Variants in WWOX observed in about 807,000 individuals in gnomAD.
WWOX encodes WW domain containing oxidoreductase.
Under a neutral mutation model 46.2 loss-of-function variants are expected in WWOX, and 69 were observed. That is an observed-to-expected ratio of 1.49 (90% confidence interval 1.23 to 1.82). The LOEUF (loss-of-function observed/expected upper bound fraction) is 1.82, where lower values mean the gene tolerates loss of function less well. WWOX is among the 40% of genes most tolerant of loss of function. The pLI is 0.00. For synonymous variants in WWOX, 359 were observed against 202.6 expected (o/e 1.77, Z -6.56); for missense variants, 919 against 542.6 (o/e 1.69, Z -6.89).
At chr16:79,111,615 T>C (rs187824645) in intron 8 of WWOX, among the ~76,000 whole-genome samples, 2 of 152,106 alleles carry the variant, frequency 1.3e-5, no homozygotes, top group Non-Finnish European at 2.9e-5. Context: ...AGAAAAGAGC[T>C]GCAATTGTCA....
At chr16:78,458,008 C>T (rs1217456191) in intron 8 of WWOX, among the ~76,000 whole-genome samples, 4 of 150,820 alleles carry the variant, frequency 2.7e-5, no homozygotes, top group African/African-American at 4.9e-5. Flanking sequence ...ACCTGGGAGG[C>T]GGAGGTTGCA....
At chr16:78,843,349 A>G (rs757915994) in intron 8 of WWOX, among the ~76,000 whole-genome samples, 3 of 150,016 alleles carry the variant, frequency 2.0e-5, no homozygotes, top group Non-Finnish European at 3.0e-5. Flanking sequence ...GCCATGTCCA[A>G]CCCAATCTGG....
intron 5 of WWOX, among the ~76,000 whole-genome samples, chr16:78,338,498 A>G (rs62034407): frequency 0.027 from 3,245 of 121,850 alleles, 1,021 homozygotes; most frequent in Middle Eastern, 0.14. Context: ...AGTTAAGGGC[A>G]CATAAAATAT....
At chr16:78,536,165 A>G (rs1396372452) in intron 8 of WWOX, among the ~76,000 whole-genome samples, 1 of 152,116 alleles carries the variant, frequency 6.6e-6, no homozygotes, top group African/African-American at 2.4e-5. Flanking sequence ...ACCACAACAT[A>G]AACCACCCCC....
chr16:78,293,996 A>AC (rs1567482477), intron 5 of WWOX, among the ~76,000 whole-genome samples: 3 of 150,480 alleles, frequency 2.0e-5, no homozygotes, highest in Non-Finnish European at 3.0e-5. Flanking sequence ...AAAAAAAAAA[A>AC]AAAAAAAAAA....
intron 5 of WWOX, 133 bp downstream of exon 5, chr16:78,164,422 C>A: frequency 2.5e-6 from 2 of 810,528 alleles, no homozygotes; most frequent in Non-Finnish European, 4.1e-6. Context: ...GTCATCTTCA[C>A]TTTGTTTGTC....
At chr16:79,016,847 C>A (rs984196000) in intron 8 of WWOX, 1 of 152,226 alleles carries the variant, frequency 6.6e-6, no homozygotes, top group African/African-American at 2.4e-5. Context: ...GTCGTGTTAA[C>A]TGAGTTTCGA....
intron 8 of WWOX, among the ~76,000 whole-genome samples, chr16:78,936,298 C>T (rs779499349): frequency 6.6e-6 from 1 of 152,138 alleles, no homozygotes; most frequent in Non-Finnish European, 1.5e-5. Flanking sequence ...AAGATGGCTG[C>T]GTCCCAAGTG....
At chr16:78,728,889 A>T (rs979435190) in intron 8 of WWOX, among the ~76,000 whole-genome samples, 1 of 152,172 alleles carries the variant, frequency 6.6e-6, no homozygotes, top group Non-Finnish European at 1.5e-5. Context: ...AAGAATAACA[A>T]ACTATGCATA....
chr16:78,641,069 C>T (rs1234439556), intron 8 of WWOX, among the ~76,000 whole-genome samples: 1 of 152,006 alleles, frequency 6.6e-6, no homozygotes. Flanking sequence ...ACAGCTGAAA[C>T]ACTCCTCAAA....
chr16:79,118,038 C>T (rs947737565), intron 8 of WWOX, among the ~76,000 whole-genome samples: 1 of 152,266 alleles, frequency 6.6e-6, no homozygotes, highest in Admixed American at 6.5e-5. Flanking sequence ...TTTGCATTCA[C>T]AACTTGCCTG....
chr16:78,757,601 C>G (rs1005540364), intron 8 of WWOX, among the ~76,000 whole-genome samples: 2 of 151,866 alleles, frequency 1.3e-5, no homozygotes, highest in African/African-American at 2.4e-5. Context: ...TTTTGAAAGA[C>G]GTATGTAAAA....
At chr16:78,328,447 C>T (rs1383259289) in intron 5 of WWOX, among the ~76,000 whole-genome samples, 7 of 152,110 alleles carry the variant, frequency 4.6e-5, no homozygotes, top group Non-Finnish European at 1.0e-4. Flanking sequence ...ATTTCTGTGG[C>T]TTTGGATGAG....
chr16:78,940,019 A>T (rs1157399594), intron 8 of WWOX, among the ~76,000 whole-genome samples: 2 of 152,228 alleles, frequency 1.3e-5, no homozygotes, highest in Non-Finnish European at 2.9e-5. Flanking sequence ...TGCATACAAA[A>T]ACTGCAGGCC....
chr16:78,680,396 T>C (rs1458067614), intron 8 of WWOX, among the ~76,000 whole-genome samples: 1 of 152,098 alleles, frequency 6.6e-6, no homozygotes, highest in Non-Finnish European at 1.5e-5. Flanking sequence ...TAGCTGGGCA[T>C]GGTGTCACGT....
chr16:79,120,172 G>A (rs569422772), intron 8 of WWOX, among the ~76,000 whole-genome samples: 4 of 152,308 alleles, frequency 2.6e-5, no homozygotes, highest in African/African-American at 9.6e-5. Flanking sequence ...TTTCCATACG[G>A]CCTGTGAGGC....
chr16:78,381,123 A>T (rs2081947112), intron 5 of WWOX, among the ~76,000 whole-genome samples: 1 of 152,162 alleles, frequency 6.6e-6, no homozygotes, highest in African/African-American at 2.4e-5. Context: ...TCTTTGCTGC[A>T]ATGACAATAT....
At chr16:78,356,476 C>G (rs575059699) in intron 5 of WWOX, among the ~76,000 whole-genome samples, 3 of 152,168 alleles carry the variant, frequency 2.0e-5, no homozygotes, top group East Asian at 1.9e-4. Context: ...TGACACATCT[C>G]TAGTTTGTTG....
intron 8 of WWOX, among the ~76,000 whole-genome samples, chr16:78,731,839 C>CTTTTTTTTTTT (rs1358966064): frequency 9.0e-6 from 1 of 111,498 alleles, no homozygotes; most frequent in Non-Finnish European, 1.7e-5. Context: ...AATTTTTTTT[C>CTTTTTTTTTTT]TTTCTCTTTT....
Sources: gnomAD v4.1 joint callset for allele counts (sites outside exome capture counted in the v4.1 genomes callset) on GRCh38, gnomAD v4.1.1 for gene constraint, MANE v1.5 for transcripts, NCBI Gene and HGNC (gene_info 2026-07-23, HGNC 2026-07-21) for gene names.